Variants in RSU1 observed in about 807,000 individuals in gnomAD.
RSU1 encodes Ras suppressor protein 1.
In RSU1, 26 loss-of-function variants were observed where a neutral mutation model predicts 31.1. The ratio of observed to expected loss-of-function variants is 0.84; its 90% CI spans 0.61 to 1.16. RSU1 has a LOEUF of 1.16. Among genes scored for constraint, RSU1 ranks in the 50% most tolerant of loss-of-function variants. RSU1 has a pLI of 0.00. For missense variants in RSU1, 320 were observed against 339.1 expected (o/e 0.94, Z 0.44); for synonymous variants, 164 against 136.3 (o/e 1.20, Z -1.41).
intron 7 of RSU1, among the ~76,000 whole-genome samples, chr10:16,732,414 T>C (rs1247826679): frequency 6.6e-6 from 1 of 152,128 alleles, no homozygotes; most frequent in Non-Finnish European, 1.5e-5. Context: ...CCCTTATAAA[T>C]AGGATTAGTG....
rs79266038 is a variant in RSU1, at chr10:16,799,539, G to A, written c.109+17434C>T. Among the ~76,000 whole-genome samples, 1,353 of 152,102 alleles carry A rather than the reference G, an allele frequency of 8.9e-3. 15 individuals are homozygous for A. The highest frequency in any genetic ancestry group is 0.031 in the African/African-American group (1,270 of 41,486). ...ACAACAACAACAAAAACAACAACAA[G>A]TTCCTGGGGGCCCGGTCTTAAGGGG... On this transcript the variant is annotated intron_variant, in intron 2 of 8. Coordinates refer to ENST00000345264, the MANE Select transcript of RSU1 (RefSeq NM_012425.4).
chr10:16,740,217 C>A (rs1027282512), intron 7 of RSU1, among the ~76,000 whole-genome samples: 1 of 151,864 alleles, frequency 6.6e-6, no homozygotes, highest in Non-Finnish European at 1.5e-5. Flanking sequence ...AAAATACTAA[C>A]AAATGAAATC....
At chr10:16,780,544 G>C (rs998266475) in intron 3 of RSU1, among the ~76,000 whole-genome samples, 2 of 152,192 alleles carry the variant, frequency 1.3e-5, no homozygotes, top group South Asian at 2.1e-4. Flanking sequence ...ATCCTGGCCA[G>C]TTTTGCTTTC....
chr10:16,745,388 G>C (rs1048832284), intron 7 of RSU1, among the ~76,000 whole-genome samples: 2 of 152,080 alleles, frequency 1.3e-5, no homozygotes, highest in East Asian at 3.9e-4. Context: ...GTTCTAGTCC[G>C]TTTTCACGCT....
intron 8 of RSU1, among the ~76,000 whole-genome samples, chr10:16,639,455 T>A (rs1254900241): frequency 1.3e-5 from 2 of 152,214 alleles, no homozygotes; most frequent in African/African-American, 4.8e-5. Context: ...GGCAATCCTA[T>A]TGATTAGTAT....
At chr10:16,635,551 C>T (rs1391264335) in intron 8 of RSU1, among the ~76,000 whole-genome samples, 1 of 152,242 alleles carries the variant, frequency 6.6e-6, no homozygotes, top group African/African-American at 2.4e-5. Context: ...AGGCCAGTCC[C>T]TCCACTGGCA....
chr10:16,634,294 G>A (rs1834309435), intron 8 of RSU1, among the ~76,000 whole-genome samples: 2 of 152,184 alleles, frequency 1.3e-5, no homozygotes, highest in Admixed American at 6.5e-5. Flanking sequence ...CAAAACACTT[G>A]CCCAGCAGTA....
intron 8 of RSU1, among the ~76,000 whole-genome samples, chr10:16,653,031 G>A (rs1233242396): frequency 6.6e-6 from 1 of 151,950 alleles, no homozygotes; most frequent in Non-Finnish European, 1.5e-5. Context: ...AAATATACAA[G>A]GGAGAGCTAA....
intron 7 of RSU1, among the ~76,000 whole-genome samples, chr10:16,712,025 G>C (rs1169179484): frequency 2.6e-5 from 4 of 152,134 alleles, no homozygotes; most frequent in Non-Finnish European, 5.9e-5. Flanking sequence ...TCAGGGTTGA[G>C]TGCATATGTA....
chr10:16,713,575 A>G (rs986443871), intron 7 of RSU1, among the ~76,000 whole-genome samples: 9 of 152,078 alleles, frequency 5.9e-5, no homozygotes, highest in African/African-American at 2.2e-4. Flanking sequence ...TGCATTTCTC[A>G]TTCGGATGAT....
intron 2 of RSU1, among the ~76,000 whole-genome samples, chr10:16,800,989 T>C (rs1588544869): frequency 6.8e-6 from 1 of 147,732 alleles, no homozygotes; most frequent in South Asian, 2.1e-4. Context: ...AGGGCAAGAA[T>C]AGAAAACACT....
Position 16,785,481 on chromosome 10 carries a change from C to CAT in RSU1, c.110-3399_110-3398dup, listed in dbSNP as rs1330118857. ...ATACATATATATATACACATATATA[C>CAT]ATATATACATATATATATACACATA... On this transcript the variant is annotated intron_variant, in intron 2 of 8. Transcript: ENST00000345264. Among the ~76,000 whole-genome samples the CAT allele has an allele frequency of 4.1e-3, 575 of 138,722 alleles. 15 individuals carry two copies. In the East Asian group the frequency reaches 0.046, roughly 11 times the overall value. 91.0% of individuals were successfully genotyped at this position (138,722 alleles called of 152,430 possible). A position where few individuals can be genotyped will look rare whatever the true frequency, so the allele number is the denominator to read the frequency against.
At chr10:16,687,831 C>T (rs1835466834) in intron 8 of RSU1, among the ~76,000 whole-genome samples, 1 of 152,074 alleles carries the variant, frequency 6.6e-6, no homozygotes, top group African/African-American at 2.4e-5. Context: ...GGCATCCTCC[C>T]ACCTCAGCCA....
intron 7 of RSU1, among the ~76,000 whole-genome samples, chr10:16,737,645 G>T (rs968966992): frequency 8.6e-5 from 13 of 151,890 alleles, no homozygotes; most frequent in Admixed American, 2.0e-4. Flanking sequence ...AGATGGAAGC[G>T]CCTATCTACA....
chr10:16,655,927 G>A (rs1187272029), intron 8 of RSU1, among the ~76,000 whole-genome samples: 1 of 152,110 alleles, frequency 6.6e-6, no homozygotes, highest in Non-Finnish European at 1.5e-5. Context: ...CTGGAGCTGA[G>A]ATATCTTTGA....
intron 8 of RSU1, among the ~76,000 whole-genome samples, chr10:16,605,933 C>T (rs918966677): frequency 2.6e-5 from 4 of 152,188 alleles, no homozygotes; most frequent in African/African-American, 9.7e-5. Flanking sequence ...TCCTGAGTAG[C>T]TGGCACAAGC....
At chr10:16,786,304 T>C (rs992009363) in intron 2 of RSU1, among the ~76,000 whole-genome samples, 2 of 152,194 alleles carry the variant, frequency 1.3e-5, no homozygotes, top group African/African-American at 4.8e-5. Context: ...TTTACAGTGA[T>C]GGTTAAATTG....
chr10:16,720,670 A>C (rs1038499430), intron 7 of RSU1, among the ~76,000 whole-genome samples: 3 of 152,228 alleles, frequency 2.0e-5, no homozygotes, highest in South Asian at 2.1e-4. Context: ...CCTCTTTCAC[A>C]CATGTGGATG....
chr10:16,709,341 C>T (rs1280865543), intron 7 of RSU1, among the ~76,000 whole-genome samples: 1 of 152,186 alleles, frequency 6.6e-6, no homozygotes, highest in Non-Finnish European at 1.5e-5. Flanking sequence ...TTTTTTATGG[C>T]TGCATACTAT....
Sources: gnomAD v4.1 joint callset for allele counts (sites outside exome capture counted in the v4.1 genomes callset) on GRCh38, gnomAD v4.1.1 for gene constraint, MANE v1.5 for transcripts, NCBI Gene and HGNC (gene_info 2026-07-23, HGNC 2026-07-21) for gene names.